SPECC1: variants seen among roughly 807,000 people sequenced by gnomAD.
SPECC1 encodes the protein sperm antigen with calponin homology and coiled-coil domains 1.
Under a neutral mutation model 104.1 loss-of-function variants are expected in SPECC1, and 62 were observed. That is an observed-to-expected ratio of 0.60 (90% CI 0.49 to 0.74). The LOEUF (loss-of-function observed/expected upper bound fraction) is 0.74. Ranked by LOEUF, SPECC1 falls within the 30% of genes least tolerant of loss-of-function variation. SPECC1 has a pLI of 0.00. For missense variants in SPECC1, 1,306 were observed against 1,310.5 expected, an observed-to-expected ratio of 1.00 and a Z score of 0.05; for synonymous variants, 513 against 501.6, an observed-to-expected ratio of 1.02 and a Z score of -0.30.
chr17:20,138,566 T>C (rs1447831809), intron 3 of SPECC1, among the ~76,000 whole-genome samples: 2 of 152,318 alleles, frequency 1.3e-5, no homozygotes, highest in East Asian at 3.9e-4. Flanking sequence ...CACTGATCTT[T>C]TTACTGTCCC....
At chr17:20,218,317 C>T (rs2037639394) in intron 4 of SPECC1, among the ~76,000 whole-genome samples, 2 of 147,548 alleles carry the variant, frequency 1.4e-5, no homozygotes, top group African/African-American at 5.0e-5. Flanking sequence ...GATTATGAAA[C>T]AGAGGCAGAG....
intron 1 of SPECC1, among the ~76,000 whole-genome samples, chr17:20,036,515 T>C (rs991621535): frequency 3.3e-5 from 5 of 152,242 alleles, no homozygotes; most frequent in Admixed American, 6.5e-5. Context: ...TACGTTGTGC[T>C]AATTAACGTA....
intron 1 of SPECC1, among the ~76,000 whole-genome samples, chr17:20,046,060 G>A (rs1038629749): frequency 8.8e-5 from 13 of 148,316 alleles, no homozygotes; most frequent in Middle Eastern, 3.5e-3. Context: ...CACACTTCCT[G>A]TACCTTAATC....
chr17:20,031,236 C>T (rs926317504), intron 1 of SPECC1, among the ~76,000 whole-genome samples: 15 of 152,164 alleles, frequency 9.9e-5, no homozygotes, highest in African/African-American at 3.1e-4. Flanking sequence ...CTCAAGTGAT[C>T]GCCTGCCTCG....
intron 3 of SPECC1, among the ~76,000 whole-genome samples, chr17:20,195,584 G>A (rs1371211626): frequency 6.8e-6 from 1 of 148,110 alleles, no homozygotes; most frequent in Admixed American, 6.7e-5. Context: ...TTGAGACGGA[G>A]TCTTGCTCTG....
chr17:20,099,746 G>A (rs76338549), intron 2 of SPECC1, among the ~76,000 whole-genome samples: 1,885 of 147,152 alleles, frequency 0.013, 41 homozygotes, highest in African/African-American at 0.045. Context: ...AAATAAGGCC[G>A]GAAGAAGCAT....
chr17:20,047,771 G>A lies in SPECC1; in HGVS notation c.-22+38347G>A, dbSNP rs551563837. ...TGCCACCACGCCTGGCTAATTTTTT[G>A]TATTTTTAGTAGAGATGGGGTTTCA... On this transcript the variant is annotated intron_variant, in intron 1 of 14. Transcript: ENST00000395527. Among the ~76,000 whole-genome samples, 9 of 152,028 alleles carry A rather than the reference G, an allele frequency of 5.9e-5. No individual in the cohort carries two copies. The South Asian group carries it at 1.9e-3, about 32-fold the overall frequency.
intron 3 of SPECC1, among the ~76,000 whole-genome samples, chr17:20,189,035 G>A (rs2035473832): frequency 6.6e-6 from 1 of 152,176 alleles, no homozygotes; most frequent in Admixed American, 6.5e-5. Context: ...ATAACTGTAG[G>A]AAGTCAGGGC....
chr17:20,227,006 TC>T (rs764394486), intron 4 of SPECC1, among the ~76,000 whole-genome samples: 9 of 110,726 alleles, frequency 8.1e-5, no homozygotes, highest in Non-Finnish European at 1.6e-4. Context: ...GGCCAGTGCC[TC>T]CCAGGGAAGC....
At chr17:20,072,842 T>TA (rs566426368) in intron 1 of SPECC1, among the ~76,000 whole-genome samples, 1 of 152,206 alleles carries the variant, frequency 6.6e-6, no homozygotes, top group Non-Finnish European at 1.5e-5. Flanking sequence ...GGCCCGCTGA[T>TA]AGAGTTCTTG....
At chr17:20,051,069 TTTCTTTCTTTCTTTCTTTC>T (rs2045729065) in intron 1 of SPECC1, among the ~76,000 whole-genome samples, 1 of 34,564 alleles carries the variant, frequency 2.9e-5, no homozygotes, top group African/African-American at 1.1e-4. Flanking sequence ...TTTCTTTCTT[TTTCTTTCTTTCTTTCTTTC>T]TTTCTTTCTT....
chr17:20,257,449 A>G lies in SPECC1; in HGVS notation c.2681-2A>G. 6.4e-7 allele frequency: 1 copy of G among 1,565,550 alleles called. No homozygotes were observed. Among genetic ancestry groups the G allele is most frequent in the Non-Finnish European group, 8.6e-7 (1 of 1,161,938 alleles). On this transcript the variant is annotated splice_acceptor_variant, in intron 10 of 14. Coordinates refer to ENST00000395527, the MANE Select transcript of SPECC1 (RefSeq NM_001243439.2). LOFTEE classifies it high-confidence loss of function. Reference sequence around the variant, plus strand: ...TGAGTGATTATGTGGTTGTTCCCACAGATATTCTAAAGGGAAGGACTGAGA... The same window carrying G: ...TGAGTGATTATGTGGTTGTTCCCACGGATATTCTAAAGGGAAGGACTGAGA...
At chr17:20,075,807 T>A (rs1455253541) in intron 1 of SPECC1, among the ~76,000 whole-genome samples, 1 of 152,040 alleles carries the variant, frequency 6.6e-6, no homozygotes, top group Non-Finnish European at 1.5e-5. Flanking sequence ...ACAAGCTAAG[T>A]GTGGCGATGT....
chr17:20,128,527 G>A (rs2049438187), intron 3 of SPECC1, among the ~76,000 whole-genome samples: 1 of 152,084 alleles, frequency 6.6e-6, no homozygotes, highest in African/African-American at 2.4e-5. Context: ...GTGCAGCGGG[G>A]GCCATCTGTT....
intron 1 of SPECC1, among the ~76,000 whole-genome samples, chr17:20,041,306 G>C (rs950404267): frequency 9.2e-5 from 14 of 152,030 alleles, no homozygotes; most frequent in African/African-American, 3.1e-4. Flanking sequence ...GCAATGGCGG[G>C]ATCTCGGCTC....
chr17:20,160,275 G>A (rs1170539207), intron 3 of SPECC1, among the ~76,000 whole-genome samples: 2 of 152,150 alleles, frequency 1.3e-5, no homozygotes, highest in African/African-American at 2.4e-5. Context: ...AGAGACTCAG[G>A]CTGGTGGATG....
chr17:20,156,283 C>T lies in SPECC1; in HGVS notation c.283+45721C>T, dbSNP rs753159799. The T allele has an allele frequency of 1.4e-5, 18 of 1,326,880 alleles. No homozygotes were observed. In the South Asian group the frequency reaches 2.2e-4, roughly 16 times the overall value. 82.2% of individuals were successfully genotyped at this position (1,326,880 alleles called of 1,614,324 possible). On this transcript the variant is annotated intron_variant, in intron 3 of 14. Transcript: ENST00000395527. ...CGCGCCGCAGCCGCAACCCCACCCC[C>T]CCTCCAGGCGCCCTTCCCCCACCGC...
chr17:20,014,795 C>T (rs1027929160), intron 1 of SPECC1, among the ~76,000 whole-genome samples: 2 of 151,914 alleles, frequency 1.3e-5, no homozygotes, highest in Non-Finnish European at 2.9e-5. Flanking sequence ...CTTGCTCTGT[C>T]ACCCAGGCTG....
At chr17:20,064,560 C>T (rs1312233650) in intron 1 of SPECC1, among the ~76,000 whole-genome samples, 2 of 152,138 alleles carry the variant, frequency 1.3e-5, no homozygotes, top group Non-Finnish European at 2.9e-5. Context: ...GGGAGGACAG[C>T]AGGAGGATCT....
Sources: gnomAD v4.1 joint callset for allele counts (sites outside exome capture counted in the v4.1 genomes callset) on GRCh38, gnomAD v4.1.1 for gene constraint, MANE v1.5 for transcripts, NCBI Gene and HGNC (gene_info 2026-07-23, HGNC 2026-07-21) for gene names.